Variants in XRN2 observed in about 807,000 individuals in gnomAD.
XRN2 encodes the protein DHM1-like protein.
In XRN2, 44 loss-of-function variants were observed where a neutral mutation model predicts 138.5. The ratio of observed to expected loss-of-function variants is 0.32; its 90% confidence interval spans 0.25 to 0.41. The LOEUF is 0.41. Ranked by LOEUF, XRN2 falls within the 10% of genes least tolerant of loss-of-function variation. The pLI is 1.00. For synonymous variants in XRN2, 354 were observed against 369.4 expected, an observed-to-expected ratio of 0.96 and a Z score of 0.48; for missense variants, 937 against 1,169.3, an observed-to-expected ratio of 0.80 and a Z score of 2.90.
chr20:21,356,483 C>T, intron 22 of XRN2, 103 bp from the exon 23 acceptor site: 1 of 1,013,426 alleles, frequency 9.9e-7, no homozygotes, highest in East Asian at 2.6e-5. Context: ...TTGTTTCTGC[C>T]TTTTGGCTCT....
chr20:21,324,777 G>T (rs895653590), intron 1 of XRN2, among the ~76,000 whole-genome samples: 1 of 152,024 alleles, frequency 6.6e-6, no homozygotes, highest in Non-Finnish European at 1.5e-5. Context: ...GAGACTACCC[G>T]CACATACCAC....
At chr20:21,314,804 G>A (rs538642224) in intron 1 of XRN2, among the ~76,000 whole-genome samples, 228 of 152,288 alleles carry the variant, frequency 1.5e-3, no homozygotes, top group Non-Finnish European at 2.4e-3. Context: ...GGTTTACTGT[G>A]TGTTGCTTAC....
intron 3 of XRN2, among the ~76,000 whole-genome samples, chr20:21,327,709 C>CA (rs2038146900): frequency 6.6e-6 from 1 of 152,056 alleles, no homozygotes; most frequent in Non-Finnish European, 1.5e-5. Flanking sequence ...TGTTTATACA[C>CA]ACATTTTTTT....
At chr20:21,310,674 C>CT (rs1490305323) in intron 1 of XRN2, among the ~76,000 whole-genome samples, 1 of 152,008 alleles carries the variant, frequency 6.6e-6, no homozygotes, top group Admixed American at 6.6e-5. Context: ...CTGTTTGCAT[C>CT]TTTATGTTTA....
chr20:21,307,532 C>T (rs898920940), intron 1 of XRN2, among the ~76,000 whole-genome samples: 1 of 76,638 alleles, frequency 1.3e-5, no homozygotes, highest in Admixed American at 1.6e-4. Context: ...TTAAAGTGTA[C>T]AATTTTCTTT....
intron 24 of XRN2, among the ~76,000 whole-genome samples, chr20:21,364,472 G>T (rs917726153): frequency 3.3e-5 from 5 of 152,006 alleles, no homozygotes; most frequent in African/African-American, 1.2e-4. Flanking sequence ...AAAGAAGTTC[G>T]ACCCAGCTTA....
chr20:21,330,859 G>T (rs561402161), intron 6 of XRN2, among the ~76,000 whole-genome samples, 154 bp downstream of exon 6: 3 of 152,088 alleles, frequency 2.0e-5, no homozygotes, highest in African/African-American at 7.2e-5. Context: ...TTGGAGATGG[G>T]GTATCCTTGC....
intron 29 of XRN2, among the ~76,000 whole-genome samples, chr20:21,387,973 T>A (rs1385022940): frequency 6.6e-6 from 1 of 152,234 alleles, no homozygotes; most frequent in African/African-American, 2.4e-5. Context: ...TACAGTTTAT[T>A]TGAATCAGTT....
intron 24 of XRN2, among the ~76,000 whole-genome samples, chr20:21,364,069 C>T (rs2038667232): frequency 6.6e-6 from 1 of 152,066 alleles, no homozygotes; most frequent in African/African-American, 2.4e-5. Flanking sequence ...GTAGCTGGGA[C>T]TACAGGCGCC....
At chr20:21,383,645 T>C (rs1477837914) in intron 28 of XRN2, among the ~76,000 whole-genome samples, 2 of 152,144 alleles carry the variant, frequency 1.3e-5, no homozygotes, top group Non-Finnish European at 2.9e-5. Flanking sequence ...AAAGGATCTG[T>C]TTCCACTTCT....
intron 13 of XRN2, among the ~76,000 whole-genome samples, chr20:21,338,462 T>C (rs972689988): frequency 6.6e-6 from 1 of 152,130 alleles, no homozygotes; most frequent in Non-Finnish European, 1.5e-5. Flanking sequence ...ATTTCCTTCC[T>C]TTTTTTCCAT....
chr20:21,340,819 A>C lies in XRN2; in HGVS notation c.1377A>C (p.Gln459His), dbSNP rs1330658369. 6.2e-7 allele frequency: 1 copy of C among 1,613,994 alleles called. No homozygotes were observed. Among genetic ancestry groups the C allele is most frequent in the African/African-American group, 1.3e-5 (1 of 75,040 alleles). Reference protein sequence around the residue: ...PGSQVASNPRQAAYEMRMQNN... With the variant: ...PGSQVASNPRHAAYEMRMQNN... ...CTCAAGTAGCCAGTAATCCGAGACA[A>C]GCAGCCTATGAAATGAGGATGCAGA... Residue 459 changes from glutamine (Q) to histidine (H), a missense_variant, in exon 15 of 30, where the codon CAA (glutamine) becomes CAC (histidine). Gln to His is a conservative substitution (Grantham distance 24, BLOSUM62 0). Around this residue, in one of 6 missense-constraint regions of XRN2, gnomAD observed 471 missense variants for 581.2 expected, o/e 0.81. Transcript: ENST00000377191.
At chr20:21,375,961 C>T (rs1358024955) in intron 27 of XRN2, among the ~76,000 whole-genome samples, 1 of 151,686 alleles carries the variant, frequency 6.6e-6, no homozygotes, top group East Asian at 1.9e-4. Context: ...GCCTCAGCCT[C>T]CTGAGTAGCT....
At chr20:21,379,878 C>T (rs2038864420) in intron 27 of XRN2, among the ~76,000 whole-genome samples, 2 of 152,118 alleles carry the variant, frequency 1.3e-5, no homozygotes, top group African/African-American at 2.4e-5. Flanking sequence ...AGCACAGTTT[C>T]TAGGACAAAA....
chr20:21,343,140 A>G lies in XRN2; in HGVS notation c.1411-950A>G, dbSNP rs373878314. ...CTTCTGTGCTCTCAGTTTAAAAAAA[A>G]TTCAGTTTACTTGAAATAGCTAATA... On this transcript the variant is annotated intron_variant, in intron 15 of 29. Transcript: ENST00000377191. 8.5e-5 allele frequency among the ~76,000 whole-genome samples: 13 copies of G among 152,270 alleles called. No individual in the cohort carries two copies. The East Asian group carries it at 1.2e-3, about 14-fold the overall frequency.
chr20:21,312,811 A>G (rs959548598), intron 1 of XRN2, among the ~76,000 whole-genome samples: 2 of 151,976 alleles, frequency 1.3e-5, no homozygotes, highest in Admixed American at 6.6e-5. Context: ...CACGTTGGCT[A>G]AGCTGGTCTT....
chr20:21,351,030 A>C (rs1488440151), intron 20 of XRN2, among the ~76,000 whole-genome samples: 1 of 152,330 alleles, frequency 6.6e-6, no homozygotes, highest in South Asian at 2.1e-4. Flanking sequence ...TACTAAGTAA[A>C]TTAAGAAGCA....
chr20:21,310,033 A>T (rs2037859034), intron 1 of XRN2, among the ~76,000 whole-genome samples: 2 of 152,178 alleles, frequency 1.3e-5, no homozygotes, highest in African/African-American at 4.8e-5. Context: ...TTAAGGTAGA[A>T]GCTGAGGTCA....
chr20:21,364,813 A>G (rs933442194), intron 24 of XRN2, among the ~76,000 whole-genome samples: 1 of 152,066 alleles, frequency 6.6e-6, no homozygotes, highest in Non-Finnish European at 1.5e-5. Flanking sequence ...TCAAAAAAAA[A>G]AAAAAAAGCA....
Sources: gnomAD v4.1 joint callset for allele counts (sites outside exome capture counted in the v4.1 genomes callset) on GRCh38, gnomAD v4.1.1 for gene constraint, gnomAD v4.1.1 regional missense constraint, MANE v1.5 for transcripts, NCBI Gene and HGNC (gene_info 2026-07-23, HGNC 2026-07-21) for gene names.